Variants in THRAP3 observed in about 807,000 individuals in gnomAD.
THRAP3 encodes the protein thyroid hormone receptor associated protein 3.
Under a neutral mutation model 101.0 loss-of-function variants are expected in THRAP3, and 16 were observed. The observed-to-expected ratio is 0.16, with a 90% CI of 0.11 to 0.24. The LOEUF (loss-of-function observed/expected upper bound fraction) is 0.24. Ranked by LOEUF, THRAP3 falls within the 10% of genes least tolerant of loss-of-function variation. THRAP3 has a pLI of 1.00. For synonymous variants in THRAP3, 407 were observed against 422.6 expected, an observed-to-expected ratio of 0.96 and a Z score of 0.45; for missense variants, 989 against 1,202.7, an observed-to-expected ratio of 0.82 and a Z score of 2.63.
chr1:36,235,598 C>CA (rs551709000), intron 1 of THRAP3, among the ~76,000 whole-genome samples: 1 of 151,792 alleles, frequency 6.6e-6, no homozygotes, highest in African/African-American at 2.4e-5. Context: ...TCCACCGTGA[C>CA]AAAAAAATAT....
chr1:36,250,015 A>G (rs1236623265), intron 1 of THRAP3, among the ~76,000 whole-genome samples: 3 of 152,098 alleles, frequency 2.0e-5, no homozygotes, highest in East Asian at 1.9e-4. Flanking sequence ...GACGAAAGCA[A>G]TCTAGAGAAG....
At chr1:36,293,977 C>T (rs1313496921) in intron 8 of THRAP3, 42 bp downstream of exon 8, 45 of 1,588,762 alleles carry the variant, frequency 2.8e-5, no homozygotes, top group Non-Finnish European at 3.6e-5. Flanking sequence ...AAAATGAGTG[C>T]GTTGGGCATG....
chr1:36,301,489 A>AG, intron 10 of THRAP3, 64 bp from the exon 11 acceptor site: 3 of 1,571,538 alleles, frequency 1.9e-6, no homozygotes, highest in East Asian at 2.2e-5. Context: ...AACAAAAAGC[A>AG]GGGGGGTTTG....
At chr1:36,208,460 C>T in the THRAP3 span, among the ~76,000 whole-genome samples, 3 of 151,916 alleles carry the variant, frequency 2.0e-5, no homozygotes, top group Non-Finnish European at 4.4e-5. Flanking sequence ...CATCTCACCC[C>T]AATCTACCTT....
rs1235780822 is a variant in THRAP3, at chr1:36,286,242, C to T, written c.138-126C>T. On this transcript the variant is annotated intron_variant, in intron 3 of 11. Coordinates refer to ENST00000354618, the MANE Select transcript of THRAP3 (RefSeq NM_005119.4). The surrounding 1 kb of genome is among the most constrained non-coding windows in gnomAD (Gnocchi z 5.5). ...ACGTAGTGGGATTAAATATTTGTGC[C>T]CTTGCTTTGAAAACAAAACTGAAAG... 3 of 913,278 alleles carry T rather than the reference C, an allele frequency of 3.3e-6. No individual in the cohort carries two copies. The highest frequency in any genetic ancestry group is 5.3e-5 in the Admixed American group (2 of 37,514). 56.6% of individuals were successfully genotyped at this position (913,278 alleles called of 1,614,324 possible).
At chr1:36,213,949 AAGAAAGAAAGAAGGAAAG>A in the THRAP3 span, among the ~76,000 whole-genome samples, 18 of 127,218 alleles carry the variant, frequency 1.4e-4, no homozygotes, top group African/African-American at 6.0e-4. Flanking sequence ...GAAAGAAAGA[AAGAAAGAAAGAAGGAAAG>A]AGAAAGAAAG....
At chr1:36,208,591 CT>C in the THRAP3 span, among the ~76,000 whole-genome samples, 1 of 152,202 alleles carries the variant, frequency 6.6e-6, no homozygotes, top group Non-Finnish European at 1.5e-5. Context: ...TTAGTTATTA[CT>C]GAATAAACCA....
At chr1:36,227,084 C>G (rs1644970666) in intron 1 of THRAP3, among the ~76,000 whole-genome samples, 1 of 151,970 alleles carries the variant, frequency 6.6e-6, no homozygotes, top group Admixed American at 6.6e-5. Context: ...ACAGTAAGTG[C>G]ACAAACTGGA....
intron 1 of THRAP3, among the ~76,000 whole-genome samples, chr1:36,240,036 T>C (rs1415878461): frequency 6.6e-6 from 1 of 152,210 alleles, no homozygotes; most frequent in African/African-American, 2.4e-5. Flanking sequence ...ATATTTACCA[T>C]GTCTGTTACA....
rs1397542587 is a variant in THRAP3 at position 36,229,399 on chromosome 1, AGTTTTTTTTTTTGTTTTTTTTTT to A, written c.-135+4907_-135+4929del. On this transcript the variant is annotated intron_variant, in intron 1 of 11. Transcript: ENST00000354618. ...CGGTGAGCCACCGTGTCTGGTCTAC[AGTTTTTTTTTTTGTTTTTTTTTT>A]GTTTTTTTTTTTTTGAGAATAAGTA... 2.4e-4 allele frequency among the ~76,000 whole-genome samples: 28 copies of A among 117,950 alleles called. No individual in the cohort carries two copies. The Admixed American group carries it at 2.5e-3, about 10-fold the overall frequency. 77.4% of individuals were successfully genotyped at this position (117,950 alleles called of 152,430 possible). A position where few individuals can be genotyped will look rare whatever the true frequency, so the allele number is the denominator to read the frequency against.
intron 1 of THRAP3, among the ~76,000 whole-genome samples, chr1:36,252,895 A>G (rs1645320269): frequency 6.9e-6 from 1 of 145,184 alleles, no homozygotes; most frequent in Non-Finnish European, 1.5e-5. Flanking sequence ...TGACAGAGTG[A>G]GACTCTGTCT....
intron 2 of THRAP3, among the ~76,000 whole-genome samples, chr1:36,276,536 A>G (rs1389831629): frequency 1.3e-5 from 2 of 149,742 alleles, no homozygotes; most frequent in African/African-American, 4.9e-5. Flanking sequence ...AAAAAAAAAA[A>G]AAAAAGGTGC....
At chr1:36,252,936 A>ATATATATATATG (rs1432438472) in intron 1 of THRAP3, among the ~76,000 whole-genome samples, 1 of 86,026 alleles carries the variant, frequency 1.2e-5, no homozygotes, top group African/African-American at 5.7e-5. Flanking sequence ...GCATATATAT[A>ATATATATATATG]TATATATATA....
chr1:36,239,090 C>T (rs1051413067), intron 1 of THRAP3, among the ~76,000 whole-genome samples: 1 of 151,394 alleles, frequency 6.6e-6, no homozygotes, highest in African/African-American at 2.4e-5. Context: ...CCCACAACCA[C>T]ACCCGGCTAA....
intron 1 of THRAP3, among the ~76,000 whole-genome samples, chr1:36,226,268 A>G (rs971340693): frequency 1.3e-5 from 2 of 152,042 alleles, no homozygotes; most frequent in Non-Finnish European, 2.9e-5. Flanking sequence ...TATTATTATT[A>G]TTATTTTTTG....
chr1:36,302,484 T>C (rs1359719345), intron 11 of THRAP3, among the ~76,000 whole-genome samples: 4 of 152,178 alleles, frequency 2.6e-5, no homozygotes, highest in African/African-American at 9.7e-5. Context: ...CTCTAGGGAA[T>C]TGTAGTTGGC....
At chr1:36,270,469 CCTT>C (rs1204745701) in intron 2 of THRAP3, among the ~76,000 whole-genome samples, 3 of 151,992 alleles carry the variant, frequency 2.0e-5, no homozygotes, top group Non-Finnish European at 2.9e-5. Flanking sequence ...CCCTTTTAAA[CCTT>C]CTTTAAAGTC....
chr1:36,290,076 T>C (rs1297181208), intron 5 of THRAP3, among the ~76,000 whole-genome samples: 2 of 152,210 alleles, frequency 1.3e-5, no homozygotes. Flanking sequence ...TGTGAAGCCA[T>C]CCTGGATCCA....
At chr1:36,230,244 G>T (rs961892863) in intron 1 of THRAP3, among the ~76,000 whole-genome samples, 1 of 151,536 alleles carries the variant, frequency 6.6e-6, no homozygotes, top group Non-Finnish European at 1.5e-5. Flanking sequence ...TCAGCCTCCC[G>T]AGTAGCTGGG....
Sources: gnomAD v4.1 joint callset for allele counts (sites outside exome capture counted in the v4.1 genomes callset) on GRCh38, gnomAD v4.1.1 for gene constraint, Gnocchi (gnomAD v3.1) non-coding constraint, MANE v1.5 for transcripts, NCBI Gene and HGNC (gene_info 2026-07-23, HGNC 2026-07-21) for gene names.